The following ZNF718 variants were observed in gnomAD, a reference collection of about 807,000 sequenced individuals.
The protein encoded by ZNF718 is zinc finger protein 718.
A neutral mutation model predicts 2.6 loss-of-function variants in ZNF718; 3 were observed. The observed-to-expected ratio is 1.16, with a 90% CI of 0.53 to 3.01. ZNF718 has a LOEUF of 3.01. ZNF718 is among the 30% of genes most tolerant of loss of function. The pLI, the probability that ZNF718 is intolerant of heterozygous loss-of-function variation, is 0.03. For synonymous variants in ZNF718, 135 were observed against 77.9 expected (o/e 1.73, Z -3.86); for missense variants, 468 against 230.0 (o/e 2.03, Z -6.69).
At chr4:140,506 A>C (rs1560111804) in intron 3 of ZNF718, among the ~76,000 whole-genome samples, 1 of 152,120 alleles carries the variant, frequency 6.6e-6, no homozygotes, top group East Asian at 1.9e-4. Context: ...GGACCTGGTT[A>C]ATGTGTGATG....
intron 3 of ZNF718, among the ~76,000 whole-genome samples, chr4:194,616 T>G (rs368426051): frequency 6.6e-6 from 1 of 152,232 alleles, no homozygotes; most frequent in African/African-American, 2.4e-5. Flanking sequence ...AGCAGTAGCA[T>G]TATATCTCTC....
At chr4:143,730 A>T (rs181846392) in intron 3 of ZNF718, among the ~76,000 whole-genome samples, 254 of 152,260 alleles carry the variant, frequency 1.7e-3, no homozygotes, top group African/African-American at 5.6e-3. Context: ...CCTAGAGACC[A>T]TCAAGCTTCA....
chr4:167,975 T>C (rs747388639), downstream of ZNF718, among the ~76,000 whole-genome samples: 2 of 152,178 alleles, frequency 1.3e-5, no homozygotes, highest in Non-Finnish European at 2.9e-5. Context: ...CTGTATGATA[T>C]TGGCTGTGGG....
At chr4:169,511 C>A (rs1483716465) in intron 3 of ZNF718, among the ~76,000 whole-genome samples, 2 of 152,106 alleles carry the variant, frequency 1.3e-5, no homozygotes, top group African/African-American at 4.8e-5. Context: ...TCTCTAACGA[C>A]TTGCTTTATG....
At chr4:199,091 G>A (rs1314069695) in intron 3 of ZNF718, among the ~76,000 whole-genome samples, 1 of 152,190 alleles carries the variant, frequency 6.6e-6, no homozygotes, top group African/African-American at 2.4e-5. Context: ...GAGCTCTGAT[G>A]GCAAGGCAAG....
At chr4:174,932 G>A (rs1553818817) in intron 3 of ZNF718, among the ~76,000 whole-genome samples, 2 of 152,086 alleles carry the variant, frequency 1.3e-5, no homozygotes, top group Non-Finnish European at 2.9e-5. Context: ...AGAACTAATC[G>A]AGCTATTAAA....
chr4:185,565 C>G (rs1581481481), intron 3 of ZNF718, among the ~76,000 whole-genome samples: 1 of 151,962 alleles, frequency 6.6e-6, no homozygotes, highest in East Asian at 1.9e-4. Context: ...TGTTAATTTT[C>G]TATCTTGATG....
chr4:170,792 A>G (rs1175683532), intron 3 of ZNF718, among the ~76,000 whole-genome samples: 2 of 151,804 alleles, frequency 1.3e-5, no homozygotes. Flanking sequence ...ATGGGTTCGA[A>G]CTTCCTCCTT....
intron 3 of ZNF718, among the ~76,000 whole-genome samples, chr4:198,088 T>A (rs7697467): frequency 0.46 from 69,203 of 151,962 alleles, 16,127 homozygotes; most frequent in South Asian, 0.53. Context: ...GCAGTGGCAC[T>A]TGCTTCAGAT....
At chr4:199,337 A>G (rs1717854271) in intron 3 of ZNF718, among the ~76,000 whole-genome samples, 1 of 152,198 alleles carries the variant, frequency 6.6e-6, no homozygotes, top group Non-Finnish European at 1.5e-5. Flanking sequence ...TGGTAAATTA[A>G]TATCTGTGCA....
chr4:172,713 G>T (rs1717263381), intron 3 of ZNF718, among the ~76,000 whole-genome samples: 2 of 152,126 alleles, frequency 1.3e-5, no homozygotes, highest in South Asian at 4.1e-4. Flanking sequence ...TAACAAAAAT[G>T]GAAACAACTG....
chr4:192,708 C>T (rs1223236313), intron 3 of ZNF718, among the ~76,000 whole-genome samples: 4 of 152,176 alleles, frequency 2.6e-5, no homozygotes, highest in African/African-American at 9.7e-5. Context: ...GCTAGCAGGC[C>T]AGTCCATGGG....
chr4:180,198 C>T (rs917944954), intron 3 of ZNF718, among the ~76,000 whole-genome samples: 2 of 152,150 alleles, frequency 1.3e-5, no homozygotes, highest in African/African-American at 4.8e-5. Flanking sequence ...CCATTTTTAT[C>T]GCTTTTCATT....
chr4:170,207 C>T (rs28789842), intron 3 of ZNF718, among the ~76,000 whole-genome samples: 1,958 of 152,200 alleles, frequency 0.013, 47 homozygotes, highest in African/African-American at 0.045. Context: ...GAGTTTCTGC[C>T]GAGAGATCAG....
intron 3 of ZNF718, among the ~76,000 whole-genome samples, chr4:139,560 T>C (rs1715720114): frequency 6.6e-6 from 1 of 152,258 alleles, no homozygotes; most frequent in Non-Finnish European, 1.5e-5. Flanking sequence ...ATGGGGCCTT[T>C]GAGCCCCTAC....
intron 3 of ZNF718, among the ~76,000 whole-genome samples, chr4:155,237 G>A (rs1553813432): frequency 1.3e-5 from 2 of 152,206 alleles, no homozygotes; most frequent in African/African-American, 4.8e-5. Context: ...TGTGGGGTTG[G>A]AGCCCCCACA....
rs1203156184 is a variant in ZNF718, at chr4:128,500, T to C, written c.4-2288T>C. ...TATGGGAGTAGAGTACTTTTGTCCTTCTTCTTACCTCAGAGTTAGCTGATC... is the reference window on the plus strand; with the variant it reads ...TATGGGAGTAGAGTACTTTTGTCCTCCTTCTTACCTCAGAGTTAGCTGATC... On this transcript the variant is annotated intron_variant, in intron 1 of 3. Transcript: ENST00000510175. Among the ~76,000 whole-genome samples, 2 of 102,904 alleles carry C rather than the reference T, an allele frequency of 1.9e-5. 1 individual carries two copies. The highest frequency in any genetic ancestry group is 2.1e-4 in the Admixed American group (2 of 9,518). 67.5% of individuals were successfully genotyped at this position (102,904 alleles called of 152,430 possible). A position where few individuals can be genotyped will look rare whatever the true frequency, so the allele number is the denominator to read the frequency against.
intron 3 of ZNF718, among the ~76,000 whole-genome samples, chr4:142,455 A>T (rs1177168122): frequency 6.6e-6 from 1 of 152,196 alleles, no homozygotes; most frequent in Non-Finnish European, 1.5e-5. Context: ...TTGCCTCATA[A>T]TCAGTCCAAA....
At chr4:200,832 T>C (rs1717884447) in intron 3 of ZNF718, among the ~76,000 whole-genome samples, 1 of 152,174 alleles carries the variant, frequency 6.6e-6, no homozygotes, top group Non-Finnish European at 1.5e-5. Context: ...TGCTGCAAGT[T>C]TACAGCAAAG....
Sources: allele counts gnomAD v4.1 joint callset (sites outside exome capture counted in the v4.1 genomes callset), GRCh38; gene constraint gnomAD v4.1.1; transcripts MANE v1.5; gene names NCBI Gene and HGNC (gene_info 2026-07-23, HGNC 2026-07-21).